Variants in FAM234A observed in about 807,000 individuals in gnomAD.
FAM234A encodes protein FAM234A.
A neutral mutation model predicts 49.1 loss-of-function variants in FAM234A; 42 were observed. The observed-to-expected ratio is 0.86, with a 90% confidence interval of 0.67 to 1.11. The LOEUF is 1.11. Among genes scored for constraint, FAM234A ranks in the 50% least tolerant of loss-of-function variants. FAM234A has a pLI of 0.00. For synonymous variants in FAM234A, 369 were observed against 316.2 expected, an observed-to-expected ratio of 1.17 and a Z score of -1.77; for missense variants, 815 against 745.2, an observed-to-expected ratio of 1.09 and a Z score of -1.09.
chr16:261,190 C>T (rs897103035), intron 5 of FAM234A, 194 bp from the exon 6 acceptor site: 15 of 585,344 alleles, frequency 2.6e-5, no homozygotes, highest in Non-Finnish European at 2.4e-5. Context: ...CCACCACCTC[C>T]GCGTGCTGCT....
intron 1 of FAM234A, among the ~76,000 whole-genome samples, chr16:247,923 C>T (rs2050871430): frequency 6.6e-6 from 1 of 152,096 alleles, no homozygotes; most frequent in Non-Finnish European, 1.5e-5. Context: ...GTGGGAGAGT[C>T]CCCATGGAGG....
chr16:257,886 C>G (rs937315583), intron 3 of FAM234A, among the ~76,000 whole-genome samples: 1 of 151,810 alleles, frequency 6.6e-6, no homozygotes, highest in African/African-American at 2.4e-5. Context: ...GAGATCGAGT[C>G]TCGCTCTGTC....
intron 2 of FAM234A, among the ~76,000 whole-genome samples, chr16:251,875 C>T (rs2051028477): frequency 6.6e-6 from 1 of 150,680 alleles, no homozygotes; most frequent in Non-Finnish European, 1.5e-5. Context: ...TGGTGGCGGA[C>T]GCCCATAGTC....
intron 1 of FAM234A, among the ~76,000 whole-genome samples, chr16:244,670 G>A (rs1286865957): frequency 2.7e-5 from 4 of 146,292 alleles, no homozygotes; most frequent in Admixed American, 1.4e-4. Flanking sequence ...CTGCTTCCCT[G>A]AATGGTAACC....
downstream of FAM234A, among the ~76,000 whole-genome samples, chr16:267,352 G>C (rs922093317): frequency 3.3e-5 from 5 of 152,026 alleles, no homozygotes; most frequent in African/African-American, 1.2e-4. Context: ...CTGCTGCCTG[G>C]GTCTGAGAGG....
intron 2 of FAM234A, 100 bp from the exon 3 acceptor site, chr16:254,281 C>A: frequency 1.1e-6 from 1 of 903,092 alleles, no homozygotes; most frequent in Non-Finnish European, 1.7e-6. Context: ...GTTAGAGCTG[C>A]AGCCAGTCCC....
intron 5 of FAM234A, 55 bp downstream of exon 5, chr16:260,215 C>T (rs2051404848): frequency 2.0e-6 from 3 of 1,528,088 alleles, no homozygotes; most frequent in Non-Finnish European, 2.7e-6. Flanking sequence ...TGAGCCACCT[C>T]ACCCTGAGGG....
At chr16:237,285 T>G (rs1015314663) in intron 1 of FAM234A, among the ~76,000 whole-genome samples, 2 of 152,068 alleles carry the variant, frequency 1.3e-5, no homozygotes, top group African/African-American at 4.8e-5. Flanking sequence ...ACACAAAGTT[T>G]AATGGATTAA....
intron 1 of FAM234A, among the ~76,000 whole-genome samples, chr16:238,323 C>T (rs1409548766): frequency 6.6e-6 from 1 of 152,044 alleles, no homozygotes; most frequent in East Asian, 1.9e-4. Context: ...CCGCCCCTGT[C>T]CGAACATTTT....
chr16:242,603 T>C (rs1177273325), intron 1 of FAM234A, among the ~76,000 whole-genome samples: 1 of 151,110 alleles, frequency 6.6e-6, no homozygotes, highest in Non-Finnish European at 1.5e-5. Flanking sequence ...TTATTCTTGG[T>C]GTCAGCTCCT....
chr16:265,028 C>T lies in FAM234A; in HGVS notation c.*6C>T, dbSNP rs200124545. On this transcript the variant is annotated 3_prime_UTR_variant, in exon 13 of 13. Coordinates refer to ENST00000399932, the MANE Select transcript of FAM234A (RefSeq NM_032039.4). Reference sequence around the variant, plus strand: ...GGTACCAGAGTGAGGCGTAGAGGCACGCCAGCCAGAGCCTGTGGAGAGACT... The same window carrying T: ...GGTACCAGAGTGAGGCGTAGAGGCATGCCAGCCAGAGCCTGTGGAGAGACT... 4.0e-5 allele frequency: 64 copies of T among 1,593,392 alleles called. No individual in the cohort carries two copies. The Middle Eastern group carries it at 5.0e-4, about 12-fold the overall frequency.
chr16:267,133 G>C (rs140067929), downstream of FAM234A, among the ~76,000 whole-genome samples: 1 of 152,218 alleles, frequency 6.6e-6, no homozygotes, highest in East Asian at 1.9e-4. Context: ...GGGCCCTAGA[G>C]AGTCTGGGCC....
chr16:262,522 A>G lies in FAM234A; in HGVS notation c.940A>G (p.Asn314Asp). The change falls in exon 8 of 13, where the codon AAT (asparagine) becomes GAT (aspartate). Residue 314 changes from asparagine to aspartate, a missense_variant. Asn to Asp is a conservative substitution (Grantham distance 23, BLOSUM62 1). Transcript: ENST00000399932. ...TGACCCGCACTGGGAGAGCATGCTC[A>G]ATGCCACCACCCGCAGGATGCTTTC... ...KSDPHWESMLNATTRRMLSHS... is the reference protein window; with the variant it reads ...KSDPHWESMLDATTRRMLSHS... 1 of 1,610,318 alleles carries G rather than the reference A, an allele frequency of 6.2e-7. No homozygotes were observed. The highest frequency in any genetic ancestry group is 8.5e-7 in the Non-Finnish European group (1 of 1,178,372).
At chr16:252,062 A>G (rs1020279004) in intron 2 of FAM234A, among the ~76,000 whole-genome samples, 4 of 149,402 alleles carry the variant, frequency 2.7e-5, no homozygotes, top group Non-Finnish European at 5.9e-5. Flanking sequence ...GTGCGGTGGC[A>G]TGATCAGAGC....
downstream of FAM234A, among the ~76,000 whole-genome samples, chr16:267,929 T>C (rs1168657208): frequency 6.9e-6 from 1 of 145,908 alleles, no homozygotes; most frequent in Non-Finnish European, 1.5e-5. Context: ...CCTGCACACG[T>C]GCACTACACA....
rs1327169851 is a variant in FAM234A at position 254,584 on chromosome 16, T to C, written c.171T>C (p.Phe57=). 6.2e-7 allele frequency: 1 copy of C among 1,614,058 alleles called. No homozygotes were observed. The highest frequency in any genetic ancestry group is 8.5e-7 in the Non-Finnish European group (1 of 1,180,046). ...CRAAAFFLSL[F]LCLFVVFVVS... Reference sequence around the variant, plus strand: ...CGGCGGCGTTTTTTCTTTCATTGTTTCTCTGCCTTTTTGTGGTGTTCGTCG... The same window carrying C: ...CGGCGGCGTTTTTTCTTTCATTGTTCCTCTGCCTTTTTGTGGTGTTCGTCG... Residue 57 remains phenylalanine, a synonymous_variant, in exon 3 of 13, where the codon TTT becomes TTC. Transcript: ENST00000399932.
chr16:268,548 G>T (rs376890530), downstream of FAM234A: 5 of 582,508 alleles, frequency 8.6e-6, no homozygotes, highest in East Asian at 1.1e-4. Context: ...GATCAGGGAC[G>T]CCTGGCAAGG....
At chr16:240,997 G>A (rs1293267795) in intron 1 of FAM234A, among the ~76,000 whole-genome samples, 1 of 151,918 alleles carries the variant, frequency 6.6e-6, no homozygotes, top group African/African-American at 2.4e-5. Flanking sequence ...GGAATGCAGT[G>A]GTGTGATCTC....
Position 244,571 on chromosome 16 carries a change from T to C in FAM234A, c.-139-4978T>C, listed in dbSNP as rs567817609. ...CCCTTACTAACGGTTTTCTTTTCTC[T>C]TTTGATTTTCTATTTTATACTTTTT... On this transcript the variant is annotated intron_variant, in intron 1 of 12. Transcript: ENST00000399932. Among the ~76,000 whole-genome samples the C allele has an allele frequency of 3.9e-5, 6 of 152,294 alleles. No individual in the cohort carries two copies. In the South Asian group the frequency reaches 1.2e-3, roughly 32 times the overall value.
Sources: gnomAD v4.1 joint callset for allele counts (sites outside exome capture counted in the v4.1 genomes callset) on GRCh38, gnomAD v4.1.1 for gene constraint, MANE v1.5 for transcripts, NCBI Gene and HGNC (gene_info 2026-07-23, HGNC 2026-07-21) for gene names.